KLC1: variants seen among roughly 807,000 people sequenced by gnomAD.
The protein encoded by KLC1 is kinesin light chain 1, also known as kinesin 2 60/70kDa.
In KLC1, 30 loss-of-function variants were observed where a neutral mutation model predicts 84.2. That is an observed-to-expected ratio of 0.36 (90% CI 0.27 to 0.48). The LOEUF (loss-of-function observed/expected upper bound fraction) is 0.48, where lower values mean the gene tolerates loss of function less well. Among genes scored for constraint, KLC1 ranks in the 20% least tolerant of loss-of-function variants. The pLI is 0.99. For missense variants in KLC1, 499 were observed against 805.4 expected, an observed-to-expected ratio of 0.62 and a Z score of 4.60; for synonymous variants, 289 against 293.3, an observed-to-expected ratio of 0.99 and a Z score of 0.15.
At chr14:103,654,005 C>T (rs965803553) in intron 1 of KLC1, among the ~76,000 whole-genome samples, 2 of 152,172 alleles carry the variant, frequency 1.3e-5, no homozygotes, top group African/African-American at 4.8e-5. Context: ...GGTGGTGCTT[C>T]GCTGTGCCAT....
At chr14:103,672,985 G>A in intron 7 of KLC1, 29 bp from the exon 8 acceptor site, 1 of 1,605,304 alleles carries the variant, frequency 6.2e-7, no homozygotes. Context: ...CAGAACAAGT[G>A]TCTCTAATAT....
intron 1 of KLC1, among the ~76,000 whole-genome samples, chr14:103,635,255 T>A (rs60557974): frequency 6.6e-6 from 1 of 152,330 alleles, no homozygotes; most frequent in East Asian, 1.9e-4. Flanking sequence ...CATAAATTTA[T>A]GTTCAGGCTT....
intron 15 of KLC1, chr14:103,697,011 C>A: frequency 2.0e-6 from 2 of 985,468 alleles, no homozygotes; most frequent in Non-Finnish European, 2.4e-6. Flanking sequence ...GCCGGCCGAG[C>A]TTCCAGGCGT....
intron 6 of KLC1, 21 bp from the exon 7 acceptor site, chr14:103,670,161 T>C (rs1415559310): frequency 6.4e-7 from 1 of 1,562,034 alleles, no homozygotes; most frequent in South Asian, 1.1e-5. Flanking sequence ...CCATTCTTAG[T>C]GGTTCTCTCT....
intron 1 of KLC1, among the ~76,000 whole-genome samples, chr14:103,644,885 A>G (rs2077782496): frequency 6.6e-6 from 1 of 152,082 alleles, no homozygotes; most frequent in Non-Finnish European, 1.5e-5. Context: ...GAATGGATGG[A>G]TGTTACTCTT....
chr14:103,675,816 T>C (rs2080825245), intron 11 of KLC1, 60 bp downstream of exon 11: 17 of 1,368,148 alleles, frequency 1.2e-5, no homozygotes, highest in Non-Finnish European at 1.7e-5. Flanking sequence ...GTAATTGTGT[T>C]CTACAGGGCA....
chr14:103,698,959 C>T (rs1214132325), intron 15 of KLC1: 1 of 1,601,004 alleles, frequency 6.2e-7, no homozygotes, highest in Non-Finnish European at 8.5e-7. Context: ...AGCAGTCTCA[C>T]CAGGAGCTGG....
chr14:103,693,663 C>T lies in KLC1; in HGVS notation c.1848+1238C>T. 6.5e-7 allele frequency: 1 copy of T among 1,530,508 alleles called. No homozygotes were observed. The highest frequency in any genetic ancestry group is 1.4e-5 in the African/African-American group (1 of 73,018). 94.8% of individuals were successfully genotyped at this position (1,530,508 alleles called of 1,614,324 possible). ...ACCTGTCTTGGGAGTGTGAGACCGC[C>T]CCGCCCTGCCACGCCCCTCACCGCC... On this transcript the variant is annotated intron_variant, in intron 15 of 16. Transcript: ENST00000334553. This position sits in a 1 kb window ranked among gnomAD's most constrained non-coding sequence, Gnocchi z 5.1.
In KLC1 at chr14:103,694,006, A is replaced by G; in HGVS notation, c.1848+1581A>G. ...TTGTAATATTGTAATAAGGCTGTAA[A>G]TTAAGAATCTGGAAACATAAAGTAC... On this transcript the variant is annotated intron_variant, in intron 15 of 16. Coordinates refer to ENST00000334553, the MANE Select transcript of KLC1 (RefSeq NM_001394837.1). The surrounding 1 kb of genome is among the most constrained non-coding windows in gnomAD (Gnocchi z 4.5). 1.9e-6 allele frequency: 2 copies of G among 1,036,900 alleles called. No individual in the cohort carries two copies. The highest frequency in any genetic ancestry group is 2.3e-6 in the Non-Finnish European group (2 of 863,108). 64.2% of individuals were successfully genotyped at this position (1,036,900 alleles called of 1,614,324 possible). A position where few individuals can be genotyped will look rare whatever the true frequency, so the allele number is the denominator to read the frequency against.
chr14:103,668,667 G>T (rs1476655525), intron 5 of KLC1, among the ~76,000 whole-genome samples: 2 of 151,846 alleles, frequency 1.3e-5, no homozygotes, highest in Non-Finnish European at 2.9e-5. Context: ...TTTTAGTAGA[G>T]ACAGGGTTTC....
intron 14 of KLC1, among the ~76,000 whole-genome samples, 163 bp from the exon 15 acceptor site, chr14:103,692,196 G>T (rs1361100763): frequency 6.6e-6 from 1 of 152,212 alleles, no homozygotes; most frequent in East Asian, 1.9e-4. Flanking sequence ...GCACTAAATA[G>T]AGTGAGACAT....
intron 1 of KLC1, among the ~76,000 whole-genome samples, chr14:103,638,167 G>A (rs190989309): frequency 9.9e-5 from 15 of 152,050 alleles, no homozygotes; most frequent in African/African-American, 2.2e-4. Flanking sequence ...CCCATCTCTC[G>A]GTAAAACATC....
intron 12 of KLC1, among the ~76,000 whole-genome samples, chr14:103,677,823 G>C (rs978184274): frequency 6.6e-5 from 10 of 151,762 alleles, no homozygotes; most frequent in Non-Finnish European, 1.3e-4. Flanking sequence ...GCTGGGCGTG[G>C]TGGCACACGC....
At chr14:103,633,850 C>T (rs771390806) in intron 1 of KLC1, among the ~76,000 whole-genome samples, 8 of 151,982 alleles carry the variant, frequency 5.3e-5, no homozygotes, top group Non-Finnish European at 1.5e-5. Context: ...ATCTTAAATG[C>T]TGTATTATTA....
At chr14:103,696,095 C>G (rs1445421512) in intron 15 of KLC1, 28 of 196,912 alleles carry the variant, frequency 1.4e-4, no homozygotes, top group Admixed American at 4.5e-4. Flanking sequence ...TCACTGCGCC[C>G]CCGCCCCCCG....
intron 13 of KLC1, among the ~76,000 whole-genome samples, chr14:103,681,625 A>C (rs895839765): frequency 2.6e-5 from 4 of 151,974 alleles, no homozygotes; most frequent in Admixed American, 2.6e-4. Context: ...CACCTGGCTA[A>C]TTTTTTTATT....
chr14:103,669,644 C>T, intron 6 of KLC1, 46 bp downstream of exon 6: 11 of 1,269,380 alleles, frequency 8.7e-6, no homozygotes, highest in East Asian at 2.3e-5. Flanking sequence ...TTATTTTCCC[C>T]ATATATTTCT....
chr14:103,631,668 G>A (rs911847843), intron 1 of KLC1, among the ~76,000 whole-genome samples: 2 of 151,956 alleles, frequency 1.3e-5, no homozygotes, highest in Non-Finnish European at 2.9e-5. Context: ...TGTGATCCCC[G>A]CTCACTGCAA....
At chr14:103,698,885 G>C (rs1360454779) in intron 15 of KLC1, 3 of 1,605,490 alleles carry the variant, frequency 1.9e-6, no homozygotes, top group South Asian at 1.1e-5. Flanking sequence ...GGGGGGCAGA[G>C]AGCACCCGCA....
Sources: allele counts gnomAD v4.1 joint callset (sites outside exome capture counted in the v4.1 genomes callset), GRCh38; gene constraint gnomAD v4.1.1; non-coding constraint Gnocchi (gnomAD v3.1); transcripts MANE v1.5; gene names NCBI Gene and HGNC (gene_info 2026-07-23, HGNC 2026-07-21).